Variants in PDK1 observed in about 807,000 individuals in gnomAD.
PDK1 encodes [Pyruvate dehydrogenase (acetyl-transferring)] kinase isozyme 1, mitochondrial.
PDK1 carries 39 observed loss-of-function variants against 54.2 expected under a neutral mutation model. The observed-to-expected ratio is 0.72, with a 90% CI of 0.56 to 0.94. The LOEUF is 0.94. Ranked by LOEUF, PDK1 falls within the 40% of genes least tolerant of loss-of-function variation. PDK1 has a pLI of 0.00. For synonymous variants in PDK1, 221 were observed against 207.1 expected (o/e 1.07, Z -0.58); for missense variants, 552 against 566.0 (o/e 0.98, Z 0.25).
the PDK1 span, among the ~76,000 whole-genome samples, chr2:172,667,139 A>G: frequency 1.3e-5 from 2 of 152,118 alleles, no homozygotes; most frequent in African/African-American, 2.4e-5. Flanking sequence ...TCACCCTTTC[A>G]AGGGAACTAG....
At chr2:172,693,437 C>T in the PDK1 span, among the ~76,000 whole-genome samples, 4 of 152,188 alleles carry the variant, frequency 2.6e-5, no homozygotes, top group East Asian at 1.9e-4. Context: ...TTGTTTTCTT[C>T]TCTGTAAAGT....
the PDK1 span, among the ~76,000 whole-genome samples, chr2:172,692,061 A>T: frequency 6.6e-6 from 1 of 152,226 alleles, no homozygotes; most frequent in Non-Finnish European, 1.5e-5. Flanking sequence ...GGCATCAGTG[A>T]CACTTCATAA....
chr2:172,702,494 CAG>C, the PDK1 span, among the ~76,000 whole-genome samples: 1 of 149,632 alleles, frequency 6.7e-6, no homozygotes, highest in Non-Finnish European at 1.5e-5. Flanking sequence ...AAAAAAAAGA[CAG>C]AGGGATTTGC....
Position 172,607,402 on chromosome 2 carries a change from G to T in PDK1, c.*11433G>T, listed in dbSNP as rs769596442. 6.6e-6 allele frequency: 1 copy of T among 152,166 alleles called. No individual in the cohort carries two copies. Among genetic ancestry groups the T allele is most frequent in the African/African-American group, 2.4e-5 (1 of 41,436 alleles). The allele number at this position is 152,166 out of a possible 1,614,324, so 9.4% of individuals were successfully genotyped here. The stretch of plus-strand genomic sequence containing the variant: ...TACAGTTCTTTCTAAAACTCCTTCT[G>T]TTCTCTAAGATGTAGTTTGAACCAG... On this transcript the variant is annotated 3_prime_UTR_variant, in exon 11 of 11. Coordinates refer to ENST00000282077, the MANE Select transcript of PDK1 (RefSeq NM_002610.5).
At chr2:172,627,701 A>G in the PDK1 span, among the ~76,000 whole-genome samples, 4 of 152,192 alleles carry the variant, frequency 2.6e-5, no homozygotes, top group African/African-American at 4.8e-5. Context: ...TGAGAAGTAA[A>G]TAAGCAACTT....
chr2:172,641,015 T>TC, the PDK1 span, among the ~76,000 whole-genome samples: 1 of 9,040 alleles, frequency 1.1e-4, no homozygotes, highest in African/African-American at 1.3e-4. Flanking sequence ...TCTTTCTTTC[T>TC]TTCTTTTCTT....
intron 9 of PDK1, among the ~76,000 whole-genome samples, chr2:172,591,919 A>G (rs1690608878): frequency 6.6e-6 from 1 of 152,218 alleles, no homozygotes; most frequent in African/African-American, 2.4e-5. Flanking sequence ...CAGACCAATT[A>G]TTAGGCAATT....
At chr2:172,616,410 A>G in the PDK1 span, among the ~76,000 whole-genome samples, 2 of 152,212 alleles carry the variant, frequency 1.3e-5, no homozygotes, top group African/African-American at 4.8e-5. Context: ...AATCTTAGGA[A>G]CACAATTTTG....
At chr2:172,647,815 T>C in the PDK1 span, among the ~76,000 whole-genome samples, 1 of 39,836 alleles carries the variant, frequency 2.5e-5, no homozygotes, top group East Asian at 8.3e-4. Flanking sequence ...CCACAAGATA[T>C]TTGTTAGTTT....
At chr2:172,584,699 G>A (rs557925218) in intron 8 of PDK1, among the ~76,000 whole-genome samples, 1 of 146,258 alleles carries the variant, frequency 6.8e-6, no homozygotes, top group Non-Finnish European at 1.5e-5. Context: ...CTGTCACCCA[G>A]GTTGGAGTAC....
chr2:172,610,812 T>C (rs796445191), downstream of PDK1, among the ~76,000 whole-genome samples: 7 of 152,308 alleles, frequency 4.6e-5, no homozygotes, highest in African/African-American at 1.7e-4. Context: ...GGTTTCACCA[T>C]GTTGGCCAGG....
intron 1 of PDK1, chr2:172,558,057 T>A (rs1027813497): frequency 6.6e-6 from 1 of 152,290 alleles, no homozygotes; most frequent in Non-Finnish European, 1.5e-5. Flanking sequence ...CCTGAACCGC[T>A]GGGCTCAAAC....
intron 3 of PDK1, chr2:172,562,908 TGAC>T: frequency 7.2e-6 from 7 of 972,720 alleles, no homozygotes; most frequent in Non-Finnish European, 9.2e-6. Context: ...GAGAGTGTAA[TGAC>T]CATCTCTTGT....
rs1381841026 is a variant in PDK1, at chr2:172,606,820, C to T, written c.*10851C>T. 2.0e-5 allele frequency: 3 copies of T among 151,140 alleles called. No individual in the cohort carries two copies. Among genetic ancestry groups the T allele is most frequent in the African/African-American group, 7.3e-5 (3 of 41,074 alleles). The allele number at this position is 151,140 out of a possible 1,614,324, so 9.4% of individuals were successfully genotyped here. A position where few individuals can be genotyped will look rare whatever the true frequency, so the allele number is the denominator to read the frequency against. On this transcript the variant is annotated 3_prime_UTR_variant, in exon 11 of 11. Coordinates refer to ENST00000282077, the MANE Select transcript of PDK1 (RefSeq NM_002610.5). ...TTTTAAAGTGTAATTCAGTGTCATT[C>T]AGTACATCCACAATGTGCAATCACC...
the PDK1 span, among the ~76,000 whole-genome samples, chr2:172,708,872 G>A: frequency 2.0e-5 from 3 of 152,320 alleles, no homozygotes; most frequent in Non-Finnish European, 2.9e-5. Flanking sequence ...ATGAGGTCAG[G>A]TATGGAACTT....
the PDK1 span, among the ~76,000 whole-genome samples, chr2:172,715,249 G>C: frequency 2.0e-5 from 3 of 152,204 alleles, no homozygotes; most frequent in Non-Finnish European, 4.4e-5. Flanking sequence ...TGAGAGGTTT[G>C]CCTTTACTTT....
At chr2:172,619,106 A>G in the PDK1 span, among the ~76,000 whole-genome samples, 1 of 151,994 alleles carries the variant, frequency 6.6e-6, no homozygotes, top group African/African-American at 2.4e-5. Context: ...GACTTTCACC[A>G]CTTGTATGCT....
chr2:172,572,193 C>T (rs1293656894), intron 8 of PDK1, among the ~76,000 whole-genome samples: 1 of 152,134 alleles, frequency 6.6e-6, no homozygotes, highest in Admixed American at 6.5e-5. Context: ...AGTTAGCTCT[C>T]TTTAATAGAG....
the PDK1 span, among the ~76,000 whole-genome samples, chr2:172,722,591 T>C: frequency 3.3e-5 from 5 of 152,224 alleles, no homozygotes; most frequent in African/African-American, 1.2e-4. Flanking sequence ...TAGTGCTGTG[T>C]TGGGAAATTG....
Sources: gnomAD v4.1 joint callset for allele counts (sites outside exome capture counted in the v4.1 genomes callset) on GRCh38, gnomAD v4.1.1 for gene constraint, MANE v1.5 for transcripts, NCBI Gene and HGNC (gene_info 2026-07-23, HGNC 2026-07-21) for gene names.